Variants in PPP1R37 observed in about 807,000 individuals in gnomAD.
PPP1R37 encodes the protein leucine rich repeat containing 68.
Under a neutral mutation model 61.0 loss-of-function variants are expected in PPP1R37, and 21 were observed. The observed-to-expected ratio is 0.34, with a 90% CI of 0.24 to 0.50. The LOEUF (loss-of-function observed/expected upper bound fraction) is 0.50, where lower values mean the gene tolerates loss of function less well. Among genes scored for constraint, PPP1R37 ranks in the 20% least tolerant of loss-of-function variants. The pLI, the probability that PPP1R37 is intolerant of heterozygous loss-of-function variation, is 0.98. For synonymous variants in PPP1R37, 443 were observed against 433.5 expected, an observed-to-expected ratio of 1.02 and a Z score of -0.27; for missense variants, 910 against 952.7, an observed-to-expected ratio of 0.96 and a Z score of 0.59.
intron 1 of PPP1R37, among the ~76,000 whole-genome samples, chr19:45,107,313 A>C (rs894445410): frequency 6.6e-6 from 1 of 152,000 alleles, no homozygotes; most frequent in African/African-American, 2.4e-5. Context: ...CTATTAAAAA[A>C]AAGGGGAGCC....
At chr19:45,113,359 C>T (rs1484516303) in intron 1 of PPP1R37, among the ~76,000 whole-genome samples, 1 of 152,230 alleles carries the variant, frequency 6.6e-6, no homozygotes, top group Non-Finnish European at 1.5e-5. Flanking sequence ...CCACTGGGTG[C>T]CACGCATGGC....
At chr19:45,124,132 A>T (rs1239784065) in intron 1 of PPP1R37, among the ~76,000 whole-genome samples, 2 of 152,180 alleles carry the variant, frequency 1.3e-5, no homozygotes, top group Non-Finnish European at 2.9e-5. Context: ...AGGTCTCCAG[A>T]TGGTGACAAC....
chr19:45,102,284 C>G (rs1369861933), intron 1 of PPP1R37, among the ~76,000 whole-genome samples: 1 of 152,218 alleles, frequency 6.6e-6, no homozygotes, highest in Non-Finnish European at 1.5e-5. Flanking sequence ...CCCAAGGGTT[C>G]CAGGAGGAGA....
intron 1 of PPP1R37, among the ~76,000 whole-genome samples, chr19:45,105,537 A>G (rs1968119175): frequency 6.6e-6 from 1 of 151,966 alleles, no homozygotes; most frequent in South Asian, 2.1e-4. Flanking sequence ...TCTGCCGTGT[A>G]CCTTTGTGGC....
intron 1 of PPP1R37, among the ~76,000 whole-genome samples, chr19:45,128,147 T>C (rs1219672095): frequency 6.6e-6 from 1 of 152,198 alleles, no homozygotes; most frequent in Non-Finnish European, 1.5e-5. Flanking sequence ...GAAGTTTCTC[T>C]CTCCCTGTCC....
chr19:45,127,398 C>T (rs923590123), intron 1 of PPP1R37, among the ~76,000 whole-genome samples: 4 of 149,626 alleles, frequency 2.7e-5, no homozygotes, highest in African/African-American at 9.9e-5. Context: ...ATGCCTACTG[C>T]ACACCTGGGC....
In PPP1R37 at chr19:45,145,804, C is replaced by G; in HGVS notation, c.1748C>G (p.Pro583Arg). Residue 583 changes from proline to arginine, a missense_variant, in exon 11 of 13, where the codon CCC becomes CGC. Pro to Arg is a moderately radical substitution (Grantham distance 103). Coordinates refer to ENST00000221462, the MANE Select transcript of PPP1R37 (RefSeq NM_019121.2). The part of the protein sequence containing the change: ...RVESPPERAE[P>R]PASPTPPSPP... ...GAGAGCCCGCCCGAGAGGGCAGAGC[C>G]CCCTGCGTCCCCCACCCCTCCCTCT... 6.8e-7 allele frequency: 1 copy of G among 1,479,540 alleles called. No homozygotes were observed. The highest frequency in any genetic ancestry group is 8.9e-7 in the Non-Finnish European group (1 of 1,117,968). The allele number at this position is 1,479,540 out of a possible 1,614,324, so 91.7% of individuals were successfully genotyped here. A position where few individuals can be genotyped will look rare whatever the true frequency, so the allele number is the denominator to read the frequency against.
chr19:45,095,977 C>T (rs901656220), intron 1 of PPP1R37, among the ~76,000 whole-genome samples: 22 of 152,240 alleles, frequency 1.4e-4, no homozygotes, highest in African/African-American at 5.1e-4. Flanking sequence ...TTTGAGACCT[C>T]GGGCTGGTTA....
intron 1 of PPP1R37, among the ~76,000 whole-genome samples, chr19:45,136,583 A>T (rs948581333): frequency 6.6e-6 from 1 of 152,106 alleles, no homozygotes; most frequent in African/African-American, 2.4e-5. Context: ...GGCCTTTGTC[A>T]GACAGCTCCC....
chr19:45,112,029 C>T (rs1332018456), intron 1 of PPP1R37, among the ~76,000 whole-genome samples: 1 of 151,574 alleles, frequency 6.6e-6, no homozygotes, highest in Non-Finnish European at 1.5e-5. Flanking sequence ...AGTGCAGTGG[C>T]ATAATCTTGG....
At chr19:45,102,866 C>G (rs545697828) in intron 1 of PPP1R37, among the ~76,000 whole-genome samples, 18 of 152,346 alleles carry the variant, frequency 1.2e-4, no homozygotes, top group Admixed American at 3.3e-4. Context: ...CACAGCACCT[C>G]CAGGGCTGAG....
intron 1 of PPP1R37, among the ~76,000 whole-genome samples, chr19:45,124,806 A>AT (rs1968381827): frequency 1.0e-5 from 1 of 95,568 alleles, no homozygotes; most frequent in Non-Finnish European, 2.1e-5. Context: ...ACATAAAAAA[A>AT]GAAAAAAAAA....
At chr19:45,132,101 GTCC>G (rs949701760) in intron 1 of PPP1R37, among the ~76,000 whole-genome samples, 1 of 152,098 alleles carries the variant, frequency 6.6e-6, no homozygotes, top group Non-Finnish European at 1.5e-5. Context: ...GAACACACCT[GTCC>G]TCCTCTCTGA....
rs1012850346 is a variant in PPP1R37, at chr19:45,130,578, C to T, written c.203-7936C>T. Among the ~76,000 whole-genome samples the T allele has an allele frequency of 2.0e-5, 3 of 152,138 alleles. No individual in the cohort carries two copies. The highest frequency in any genetic ancestry group is 1.9e-4 in the East Asian group (1 of 5,186). On this transcript the variant is annotated intron_variant, in intron 1 of 12. Transcript: ENST00000221462. The surrounding 1 kb of genome is among the most constrained non-coding windows in gnomAD (Gnocchi z 4.4). ...CCCGGTGGGGCCTCTGGGAACACTC[C>T]TTTCAAGGCCAGCTCACCCTGGCTC...
intron 1 of PPP1R37, among the ~76,000 whole-genome samples, chr19:45,099,524 G>A (rs767867112): frequency 2.0e-5 from 3 of 152,208 alleles, no homozygotes; most frequent in East Asian, 1.9e-4. Flanking sequence ...GTTGGAGCAT[G>A]ATCAGGTTAG....
intron 2 of PPP1R37, among the ~76,000 whole-genome samples, chr19:45,138,902 A>ATTTTTTTTTTTTTTTTTTTTTT (rs1968572009): frequency 1.1e-5 from 1 of 90,720 alleles, no homozygotes; most frequent in African/African-American, 4.8e-5. Flanking sequence ...AAATTTATGT[A>ATTTTTTTTTTTTTTTTTTTTTT]TTCTTTTTTT....
At position 45,142,288 on chromosome 19, in the gene PPP1R37, C is replaced by T; in HGVS notation, c.719-15C>T. The stretch of plus-strand genomic sequence containing the variant: ...AGGGGCCTGCCCAGTCACCGTGCCC[C>T]CTCCCCGTCCCCAGCCACGGCCCTG... On this transcript the variant is annotated splice_polypyrimidine_tract_variant and intron_variant, in intron 6 of 12. Transcript: ENST00000221462. The T allele has an allele frequency of 2.0e-6, 3 of 1,535,662 alleles. No individual in the cohort carries two copies. The highest frequency in any genetic ancestry group is 2.6e-6 in the Non-Finnish European group (3 of 1,146,650).
intron 1 of PPP1R37, among the ~76,000 whole-genome samples, chr19:45,103,008 A>G (rs1968083381): frequency 6.6e-6 from 1 of 152,196 alleles, no homozygotes; most frequent in South Asian, 2.1e-4. Flanking sequence ...GCCAAAAGGA[A>G]TTCGAGAGAT....
chr19:45,118,150 C>A (rs1968294406), intron 1 of PPP1R37, among the ~76,000 whole-genome samples: 1 of 152,378 alleles, frequency 6.6e-6, no homozygotes, highest in East Asian at 1.9e-4. Context: ...CAGCCCTCCC[C>A]TCAGGCTGGC....
Sources: gnomAD v4.1 joint callset for allele counts (sites outside exome capture counted in the v4.1 genomes callset) on GRCh38, gnomAD v4.1.1 for gene constraint, Gnocchi (gnomAD v3.1) non-coding constraint, MANE v1.5 for transcripts, NCBI Gene and HGNC (gene_info 2026-07-23, HGNC 2026-07-21) for gene names.